Variants in ADGRA3 observed in about 807,000 individuals in gnomAD.
The protein encoded by ADGRA3 is G-protein coupled receptor 125.
Under a neutral mutation model 119.8 loss-of-function variants are expected in ADGRA3, and 56 were observed. That is an observed-to-expected ratio of 0.47 (90% CI 0.38 to 0.58). ADGRA3 has a LOEUF of 0.58. ADGRA3 is among the 20% of genes least tolerant of loss of function. The probability of loss-of-function intolerance (pLI) is 0.00; values close to 1 mark genes in which losing one functional copy is unlikely to be tolerated. For missense variants in ADGRA3, 1,516 were observed against 1,649.0 expected, an observed-to-expected ratio of 0.92 and a Z score of 1.40; for synonymous variants, 607 against 623.8, an observed-to-expected ratio of 0.97 and a Z score of 0.40.
intron 4 of ADGRA3, among the ~76,000 whole-genome samples, chr4:22,452,515 T>G (rs1318085880): frequency 6.6e-6 from 1 of 152,252 alleles, no homozygotes; most frequent in African/African-American, 2.4e-5. Context: ...TATGTTTTCA[T>G]GTTTTACTTG....
At position 22,406,624 on chromosome 4, in the gene ADGRA3, G is replaced by A. The variant is rs144453008; in HGVS notation, c.2233-3825C>T. ...GTCTTCTTTTCAGAGTATCTAGTCC[G>A]ATCGTTTGCCCATTTCTTAAATCAA... On this transcript the variant is annotated intron_variant, in intron 14 of 18. Transcript: ENST00000334304. 3.8e-3 allele frequency among the ~76,000 whole-genome samples: 580 copies of A among 152,136 alleles called. 3 individuals carry two copies. The highest frequency in any genetic ancestry group is 0.013 in the African/African-American group (550 of 41,500).
Position 22,435,461 on chromosome 4 carries a change from G to A in ADGRA3, c.1293C>T (p.Pro431=). 3 of 1,582,964 alleles carry A rather than the reference G, an allele frequency of 1.9e-6. No individual in the cohort carries two copies. The highest frequency in any genetic ancestry group is 2.6e-6 in the Non-Finnish European group (3 of 1,156,742). The change falls in exon 10 of 19, where the codon CCC becomes CCT. Residue 431 remains proline, a synonymous_variant. Coordinates refer to ENST00000334304, the MANE Select transcript of ADGRA3 (RefSeq NM_145290.4). The part of the protein sequence containing the change: ...TRVLYMFNQM[P]LNLTNAVATA... ...TTGCCACGGCATTGGTAAGATTGAG[G>A]GGCATCTACATTTCAAAGGCAAAAA... is the stretch of plus-strand genomic sequence containing the variant.
chr4:22,459,639 A>T (rs1717370719), intron 3 of ADGRA3, among the ~76,000 whole-genome samples: 1 of 151,118 alleles, frequency 6.6e-6, no homozygotes, highest in Admixed American at 6.6e-5. Flanking sequence ...AGTAAGACAT[A>T]AAAAAAATAC....
At chr4:22,475,767 T>C (rs770256550) in intron 1 of ADGRA3, among the ~76,000 whole-genome samples, 6 of 151,540 alleles carry the variant, frequency 4.0e-5, no homozygotes, top group Non-Finnish European at 5.9e-5. Context: ...GAATGACACA[T>C]TGGACTTCGA....
chr4:22,515,654 T>C lies in ADGRA3; in HGVS notation c.131A>G (p.Lys44Arg). ...AGCCCCTCGGGGCCGCCCATCGTGC[T>C]TGCAGCCGGCGGGCAGCGCCGCGGC... The part of the protein sequence containing the change: ...GGAAALPAGC[K>R]HDGRPRGAGR... Residue 44 changes from lysine (K) to arginine (R), a missense_variant, in exon 1 of 19, where the codon AAG becomes AGG. Lys to Arg is a conservative substitution (Grantham distance 26). This residue lies in a region of ADGRA3 where 428 missense variants were observed against 541.9 expected (regional missense o/e 0.79). Transcript: ENST00000334304. 1 of 1,328,978 alleles carries C rather than the reference T, an allele frequency of 7.5e-7. No homozygotes were observed. The highest frequency in any genetic ancestry group is 9.7e-7 in the Non-Finnish European group (1 of 1,030,126). The allele number at this position is 1,328,978 out of a possible 1,614,324, so 82.3% of individuals were successfully genotyped here. A position where few individuals can be genotyped will look rare whatever the true frequency, so the allele number is the denominator to read the frequency against.
At chr4:22,493,669 G>A (rs73802835) in intron 1 of ADGRA3, among the ~76,000 whole-genome samples, 2,377 of 152,196 alleles carry the variant, frequency 0.016, 65 homozygotes, top group African/African-American at 0.054. Flanking sequence ...AAGCCTTCCC[G>A]GAGGAGTCAA....
At position 22,388,486 on chromosome 4, in the gene ADGRA3, C is replaced by T. The variant is rs761749221; in HGVS notation, c.3185G>A (p.Cys1062Tyr). 1.2e-6 allele frequency: 2 copies of T among 1,613,954 alleles called. No homozygotes were observed. The highest frequency in any genetic ancestry group is 2.7e-5 in the African/African-American group (2 of 74,900). ...DVRLAWIMTC[C>Y]PGRSSYSVQV... ...CACTGAATACGAGCTCCGTCCTGGG[C>T]AGCAAGTCATGATCCACGCAAGTCT... is the stretch of plus-strand genomic sequence containing the variant. The change falls in exon 19 of 19, where the codon TGC (cysteine) becomes TAC (tyrosine). Residue 1062 changes from cysteine to tyrosine, a missense_variant. Cys to Tyr is a radical substitution (Grantham distance 194, BLOSUM62 -2). This residue lies in a region of ADGRA3 where 1,088 missense variants were observed against 1,107.1 expected (regional missense o/e 0.98). Transcript: ENST00000334304.
Position 22,392,613 on chromosome 4 carries a change from T to C in ADGRA3, c.2559A>G (p.Gln853=). ...GGCATCTTTTAGCTTTTTTAGTGAC[T>C]TGTTTGTAGATATTTCGAGCTGTCA... ...VGVTARNIYK[Q]VTKKAKRCQD... The change falls in exon 17 of 19, where the codon CAA becomes CAG. Residue 853 remains glutamine (Q), a synonymous_variant. Coordinates refer to ENST00000334304, the MANE Select transcript of ADGRA3 (RefSeq NM_145290.4). 1 of 1,614,048 alleles carries C rather than the reference T, an allele frequency of 6.2e-7. No homozygotes were observed. Among genetic ancestry groups the C allele is most frequent in the Non-Finnish European group, 8.5e-7 (1 of 1,179,900 alleles).
chr4:22,442,903 T>G, intron 6 of ADGRA3, 40 bp from the exon 7 acceptor site: 1 of 1,409,632 alleles, frequency 7.1e-7, no homozygotes, highest in South Asian at 1.2e-5. Context: ...ACAAATATAA[T>G]TTCCAAACAC....
At chr4:22,452,825 T>G (rs1431718479) in intron 4 of ADGRA3, among the ~76,000 whole-genome samples, 1 of 152,140 alleles carries the variant, frequency 6.6e-6, no homozygotes, top group Non-Finnish European at 1.5e-5. Context: ...TTTTCATTAC[T>G]TCAGTCATAG....
At chr4:22,398,105 G>A (rs1242075712) in intron 16 of ADGRA3, 2 of 985,318 alleles carry the variant, frequency 2.0e-6, no homozygotes, top group Non-Finnish European at 1.2e-6. Context: ...CTGACTTCTT[G>A]TAGGCAGTTT....
intron 12 of ADGRA3, chr4:22,414,373 T>A (rs1297232721): frequency 5.1e-6 from 2 of 393,100 alleles, no homozygotes; most frequent in African/African-American, 2.1e-5. Flanking sequence ...AAAAAAAAAA[T>A]AATAACACAT....
Position 22,402,658 on chromosome 4 carries a change from C to T in ADGRA3, c.2357+17G>A, listed in dbSNP as rs1222434731. ...ATCAAAGTCCGCAGATCTATTTTGT[C>T]GAGATGTATTTCTTACCTGTGATGG... On this transcript the variant is annotated intron_variant, in intron 15 of 18. Transcript: ENST00000334304. The T allele has an allele frequency of 1.9e-5, 30 of 1,605,100 alleles. No individual in the cohort carries two copies. The highest frequency in any genetic ancestry group is 2.3e-5 in the South Asian group (2 of 88,636).
intron 2 of ADGRA3, among the ~76,000 whole-genome samples, chr4:22,468,465 T>C (rs891703195): frequency 3.9e-5 from 6 of 152,098 alleles, no homozygotes; most frequent in African/African-American, 1.4e-4. Context: ...GTCAATTCCA[T>C]AAAACGAAGA....
chr4:22,436,285 T>C (rs1291195596), intron 9 of ADGRA3, among the ~76,000 whole-genome samples, 155 bp downstream of exon 9: 1 of 151,270 alleles, frequency 6.6e-6, no homozygotes, highest in African/African-American at 2.4e-5. Context: ...GTGATTAAGA[T>C]GGACCTGATC....
At chr4:22,502,876 A>G (rs1249964986) in intron 1 of ADGRA3, among the ~76,000 whole-genome samples, 1 of 140,018 alleles carries the variant, frequency 7.1e-6, no homozygotes, top group Non-Finnish European at 1.5e-5. Context: ...CAAGATTCTG[A>G]CCAGTCCTAC....
intron 18 of ADGRA3, 52 bp from the exon 19 acceptor site, chr4:22,388,999 T>C (rs1353607195): frequency 6.9e-6 from 11 of 1,602,046 alleles, no homozygotes; most frequent in South Asian, 2.2e-5. Context: ...CAACAAATTA[T>C]CTACGAAATT....
At chr4:22,491,424 G>A (rs1389813239) in intron 1 of ADGRA3, among the ~76,000 whole-genome samples, 4 of 152,146 alleles carry the variant, frequency 2.6e-5, no homozygotes, top group Admixed American at 2.6e-4. Flanking sequence ...ACTTGGCAAA[G>A]ATACTCTCGA....
At chr4:22,493,532 A>G (rs990948092) in intron 1 of ADGRA3, among the ~76,000 whole-genome samples, 1 of 152,166 alleles carries the variant, frequency 6.6e-6, no homozygotes, top group African/African-American at 2.4e-5. Flanking sequence ...TCTCCTGGCA[A>G]TACCTGCAGA....
Sources: gnomAD v4.1 joint callset for allele counts (sites outside exome capture counted in the v4.1 genomes callset) on GRCh38, gnomAD v4.1.1 for gene constraint, gnomAD v4.1.1 regional missense constraint, MANE v1.5 for transcripts, NCBI Gene and HGNC (gene_info 2026-07-23, HGNC 2026-07-21) for gene names.